Variants in PTPRN2 observed in about 807,000 individuals in gnomAD.
PTPRN2 encodes the protein receptor-type tyrosine-protein phosphatase N2.
In PTPRN2, 74 loss-of-function variants were observed where a neutral mutation model predicts 118.8. That is an observed-to-expected ratio of 0.62 (90% CI 0.52 to 0.76). The LOEUF (loss-of-function observed/expected upper bound fraction) is 0.76, where lower values mean the gene tolerates loss of function less well. Ranked by LOEUF, PTPRN2 falls within the 30% of genes least tolerant of loss-of-function variation. The probability of loss-of-function intolerance (pLI) is 0.00; values close to 1 mark genes in which losing one functional copy is unlikely to be tolerated. For synonymous variants in PTPRN2, 641 were observed against 608.0 expected, an observed-to-expected ratio of 1.05 and a Z score of -0.80; for missense variants, 1,481 against 1,394.4, an observed-to-expected ratio of 1.06 and a Z score of -0.99.
rs574246256 is a variant in PTPRN2, at chr7:157,674,163, C to T, written c.2001+8562G>A. Among the ~76,000 whole-genome samples the T allele has an allele frequency of 2.0e-5, 3 of 152,236 alleles. No homozygotes were observed. Among genetic ancestry groups the T allele is most frequent in the African/African-American group, 7.2e-5 (3 of 41,548 alleles). The stretch of plus-strand genomic sequence containing the variant: ...GCCATGGCAAAATGAACCCCCAACA[C>T]AGCAGGGGAGGGAAGGAGGAGGCGG... On this transcript the variant is annotated intron_variant, in intron 13 of 22. Coordinates refer to ENST00000389418, the MANE Select transcript of PTPRN2 (RefSeq NM_002847.5). The surrounding 1 kb of genome is among the most constrained non-coding windows in gnomAD (Gnocchi z 4.5).
At chr7:158,460,533 G>T (rs1035594348) in intron 2 of PTPRN2, among the ~76,000 whole-genome samples, 1 of 147,962 alleles carries the variant, frequency 6.8e-6, no homozygotes, top group African/African-American at 2.5e-5. Context: ...TCCTACGGGG[G>T]CTGTGTGCCG....
intron 3 of PTPRN2, among the ~76,000 whole-genome samples, chr7:158,232,313 C>T (rs1829209950): frequency 6.6e-6 from 1 of 151,828 alleles, no homozygotes; most frequent in African/African-American, 2.4e-5. Flanking sequence ...TCATTAGAGA[C>T]AATTATAAAC....
intron 5 of PTPRN2, among the ~76,000 whole-genome samples, chr7:158,173,250 C>T (rs1481462652): frequency 1.3e-5 from 2 of 152,190 alleles, no homozygotes; most frequent in African/African-American, 4.8e-5. Context: ...GGGAACCAGC[C>T]CCCAATATTT....
intron 22 of PTPRN2, among the ~76,000 whole-genome samples, chr7:157,541,897 G>A (rs566582279): frequency 3.3e-5 from 5 of 152,274 alleles, no homozygotes; most frequent in South Asian, 2.1e-4. Flanking sequence ...ATATTCTTCT[G>A]CCCTGATGCT....
chr7:158,365,496 G>T (rs1157579240), intron 2 of PTPRN2, among the ~76,000 whole-genome samples: 4 of 152,326 alleles, frequency 2.6e-5, no homozygotes, highest in Middle Eastern at 3.4e-3. Flanking sequence ...GGAGTGACAG[G>T]AAACACGTTC....
intron 12 of PTPRN2, among the ~76,000 whole-genome samples, chr7:157,755,559 A>G (rs1035865262): frequency 1.3e-5 from 2 of 152,168 alleles, no homozygotes; most frequent in Non-Finnish European, 2.9e-5. Flanking sequence ...AAAGAATGAA[A>G]TCATGTCTTT....
chr7:158,016,104 G>T (rs1806435731), intron 11 of PTPRN2, among the ~76,000 whole-genome samples: 1 of 152,304 alleles, frequency 6.6e-6, no homozygotes, highest in South Asian at 2.1e-4. Context: ...ATTCAGACTC[G>T]TAATCAGCAA....
chr7:157,660,094 G>C (rs1795818161), intron 13 of PTPRN2, among the ~76,000 whole-genome samples: 1 of 152,058 alleles, frequency 6.6e-6, no homozygotes, highest in Non-Finnish European at 1.5e-5. Flanking sequence ...TGACGTGGGG[G>C]AAAAGCACAC....
chr7:157,835,470 G>A (rs963370694), intron 12 of PTPRN2, among the ~76,000 whole-genome samples: 2 of 152,146 alleles, frequency 1.3e-5, no homozygotes, highest in African/African-American at 4.8e-5. Context: ...CGAGAATCAC[G>A]AGCAAAGCAC....
intron 2 of PTPRN2, among the ~76,000 whole-genome samples, chr7:158,345,936 C>T (rs1266329666): frequency 3.9e-5 from 6 of 152,080 alleles, no homozygotes; most frequent in Non-Finnish European, 7.4e-5. Context: ...CTCACTATCA[C>T]GAGAACAGCG....
intron 12 of PTPRN2, among the ~76,000 whole-genome samples, chr7:157,800,804 C>A (rs1256339799): frequency 6.6e-6 from 1 of 151,734 alleles, no homozygotes; most frequent in Non-Finnish European, 1.5e-5. Context: ...TACAAAAAAC[C>A]AGCCGGGTGT....
chr7:158,296,447 C>T (rs1800507049), intron 3 of PTPRN2, among the ~76,000 whole-genome samples: 1 of 152,240 alleles, frequency 6.6e-6, no homozygotes, highest in Non-Finnish European at 1.5e-5. Context: ...CATGTGCGAT[C>T]TGATTCTTCC....
chr7:157,569,004 C>T, intron 20 of PTPRN2, 38 bp from the exon 21 acceptor site: 1 of 1,512,900 alleles, frequency 6.6e-7, no homozygotes, highest in African/African-American at 1.4e-5. Context: ...TGCTGCCGTC[C>T]ACACGGAAGC....
chr7:158,393,911 C>T (rs1336359944), intron 2 of PTPRN2, among the ~76,000 whole-genome samples: 2 of 152,052 alleles, frequency 1.3e-5, no homozygotes, highest in African/African-American at 4.8e-5. Context: ...CACAATCAAA[C>T]CCAAACCCCA....
At chr7:157,693,984 G>C (rs1210935010) in intron 12 of PTPRN2, among the ~76,000 whole-genome samples, 1 of 152,272 alleles carries the variant, frequency 6.6e-6, no homozygotes, top group African/African-American at 2.4e-5. Flanking sequence ...TGCCGTCTGG[G>C]GGTCCTGGGG....
At chr7:157,614,217 C>G (rs1400253826) in intron 15 of PTPRN2, 3 of 428,300 alleles carry the variant, frequency 7.0e-6, no homozygotes, top group Non-Finnish European at 1.5e-5. Context: ...GTCTGTGGCC[C>G]GTGGCAAGGT....
chr7:157,695,923 C>T (rs1797747237), intron 12 of PTPRN2, among the ~76,000 whole-genome samples: 1 of 151,540 alleles, frequency 6.6e-6, no homozygotes, highest in African/African-American at 2.4e-5. Context: ...ACCATCTACC[C>T]ATGCATACTG....
chr7:158,583,563 A>T (rs1485962026), intron 1 of PTPRN2, among the ~76,000 whole-genome samples: 1 of 152,122 alleles, frequency 6.6e-6, no homozygotes, highest in Non-Finnish European at 1.5e-5. Context: ...GCTAACACAC[A>T]GCTAAGCTCA....
At chr7:158,352,962 C>T (rs1808118985) in intron 2 of PTPRN2, among the ~76,000 whole-genome samples, 1 of 152,264 alleles carries the variant, frequency 6.6e-6, no homozygotes, top group Admixed American at 6.5e-5. Flanking sequence ...TCAGGCCACC[C>T]TGGGCCAATA....
Sources: allele counts gnomAD v4.1 joint callset (sites outside exome capture counted in the v4.1 genomes callset), GRCh38; gene constraint gnomAD v4.1.1; non-coding constraint Gnocchi (gnomAD v3.1); transcripts MANE v1.5; gene names NCBI Gene and HGNC (gene_info 2026-07-23, HGNC 2026-07-21).